The following KCNIP4 variants were observed in gnomAD, a reference collection of about 807,000 sequenced individuals.
KCNIP4 encodes potassium voltage-gated channel interacting protein 4.
In KCNIP4, 12 loss-of-function variants were observed where a neutral mutation model predicts 34.0. That is an observed-to-expected ratio of 0.35 (90% CI 0.23 to 0.57). The LOEUF is 0.57. KCNIP4 is among the 20% of genes least tolerant of loss of function. The pLI, the probability that KCNIP4 is intolerant of heterozygous loss-of-function variation, is 0.83. For synonymous variants in KCNIP4, 124 were observed against 102.2 expected, an observed-to-expected ratio of 1.21 and a Z score of -1.29; for missense variants, 238 against 311.7, an observed-to-expected ratio of 0.76 and a Z score of 1.78.
At chr4:21,767,067 T>C (rs1355477554) in intron 1 of KCNIP4, among the ~76,000 whole-genome samples, 4 of 152,098 alleles carry the variant, frequency 2.6e-5, no homozygotes, top group Admixed American at 2.0e-4. Context: ...TCAGGGAATC[T>C]CTCTTTGCAG....
chr4:21,175,952 A>ATT (rs1754373973), intron 1 of KCNIP4, among the ~76,000 whole-genome samples: 1 of 151,452 alleles, frequency 6.6e-6, no homozygotes, highest in African/African-American at 2.4e-5. Flanking sequence ...TAAAACTCCC[A>ATT]TTTGTTTTTT....
intron 1 of KCNIP4, among the ~76,000 whole-genome samples, chr4:20,883,479 T>C (rs566811133): frequency 6.6e-6 from 1 of 152,132 alleles, no homozygotes; most frequent in South Asian, 2.1e-4. Flanking sequence ...TGCAAACTGC[T>C]GAAACAACTT....
chr4:20,891,854 T>C (rs1241182088), intron 1 of KCNIP4, among the ~76,000 whole-genome samples: 3 of 152,296 alleles, frequency 2.0e-5, no homozygotes, highest in East Asian at 1.9e-4. Flanking sequence ...AATACTATGA[T>C]GCCTATTTTT....
chr4:21,390,327 T>C (rs1722452192), intron 1 of KCNIP4, among the ~76,000 whole-genome samples: 2 of 152,212 alleles, frequency 1.3e-5, no homozygotes, highest in South Asian at 2.1e-4. Context: ...ATTGTCAATT[T>C]TGGCTTTTGT....
chr4:21,694,943 A>AAAAAAC lies in KCNIP4; in HGVS notation c.61+253627_61+253628insGTTTTT, dbSNP rs1560637409. Among the ~76,000 whole-genome samples, 2 of 45,338 alleles carry AAAAAAC rather than the reference A, an allele frequency of 4.4e-5. 1 individual carries two copies. The highest frequency in any genetic ancestry group is 1.1e-4 in the African/African-American group (2 of 18,046). The allele number at this position is 45,338 out of a possible 152,430, so 29.7% of individuals were successfully genotyped here. On this transcript the variant is annotated intron_variant, in intron 1 of 8. Transcript: ENST00000382152. Reference sequence around the variant, plus strand: ...AAAAAAAAAAAAATAAAAATAAATAAATAAATAAAGGGCTTTTTGGTAAAA... The same window carrying AAAAAAC: ...AAAAAAAAAAAAATAAAAATAAATAAAAAAACATAAATAAAGGGCTTTTTGGTAAAA...
chr4:21,539,168 T>TA (rs1252589110), intron 1 of KCNIP4, among the ~76,000 whole-genome samples: 1 of 152,198 alleles, frequency 6.6e-6, no homozygotes, highest in Non-Finnish European at 1.5e-5. Flanking sequence ...CTTTTATTTA[T>TA]AAATTACCCA....
At chr4:21,109,290 C>G (rs991774178) in intron 1 of KCNIP4, among the ~76,000 whole-genome samples, 43 of 152,216 alleles carry the variant, frequency 2.8e-4, no homozygotes, top group Non-Finnish European at 4.1e-4. Flanking sequence ...TTTACCTAAG[C>G]AAGCCTAGGC....
At chr4:21,342,733 C>T (rs1560307677) in intron 1 of KCNIP4, among the ~76,000 whole-genome samples, 1 of 151,864 alleles carries the variant, frequency 6.6e-6, no homozygotes, top group Non-Finnish European at 1.5e-5. Flanking sequence ...AGGCTCACAG[C>T]TTGCTATATC....
At chr4:21,632,513 T>A (rs889873661) in intron 1 of KCNIP4, among the ~76,000 whole-genome samples, 1 of 152,172 alleles carries the variant, frequency 6.6e-6, no homozygotes, top group African/African-American at 2.4e-5. Context: ...GCATGGGCCA[T>A]TGTGGCTGGC....
chr4:20,938,873 T>G lies in KCNIP4; in HGVS notation c.62-56164A>C, dbSNP rs139335878. Among the ~76,000 whole-genome samples the G allele has an allele frequency of 3.1e-3, 476 of 152,318 alleles. 2 individuals are homozygous for G. Among genetic ancestry groups the G allele is most frequent in the African/African-American group, 0.011 (445 of 41,570 alleles). The stretch of plus-strand genomic sequence containing the variant: ...GTCCTGAGAGCTATACTTCAACCTC[T>G]TTATCCTGAACTTCACATAGAAATT... On this transcript the variant is annotated intron_variant, in intron 1 of 8. Coordinates refer to ENST00000382152, the MANE Select transcript of KCNIP4 (RefSeq NM_025221.6).
chr4:21,619,497 C>T (rs758207285), intron 1 of KCNIP4, among the ~76,000 whole-genome samples: 14 of 152,146 alleles, frequency 9.2e-5, no homozygotes, highest in Non-Finnish European at 1.9e-4. Flanking sequence ...ATCAGACAGT[C>T]CAAATTCTAA....
chr4:21,588,196 A>G (rs1042797167), intron 1 of KCNIP4, among the ~76,000 whole-genome samples: 1 of 152,088 alleles, frequency 6.6e-6, no homozygotes, highest in Non-Finnish European at 1.5e-5. Flanking sequence ...TTTAAGATAT[A>G]AAATAAAATA....
At chr4:21,457,311 G>C (rs929441536) in intron 1 of KCNIP4, among the ~76,000 whole-genome samples, 2 of 151,988 alleles carry the variant, frequency 1.3e-5, no homozygotes, top group African/African-American at 4.8e-5. Context: ...TTGGCGGCTT[G>C]CTGGCCCTTT....
chr4:20,946,088 G>T (rs1442649043), intron 1 of KCNIP4, among the ~76,000 whole-genome samples: 1 of 152,114 alleles, frequency 6.6e-6, no homozygotes, highest in South Asian at 2.1e-4. Context: ...TTTGGACACG[G>T]TCATGAACAA....
At chr4:21,578,357 A>AAAG (rs1560531531) in intron 1 of KCNIP4, among the ~76,000 whole-genome samples, 1 of 139,244 alleles carries the variant, frequency 7.2e-6, no homozygotes, top group Non-Finnish European at 1.5e-5. Flanking sequence ...AAAAAAAAAA[A>AAAG]AGAGTTCATG....
chr4:20,840,766 T>C (rs112366535), intron 3 of KCNIP4, among the ~76,000 whole-genome samples: 1,905 of 152,294 alleles, frequency 0.013, 21 homozygotes, highest in Non-Finnish European at 0.018. Flanking sequence ...TGGAGCTGTG[T>C]GTTACAGCAT....
intron 1 of KCNIP4, among the ~76,000 whole-genome samples, chr4:21,174,931 A>C (rs1290614343): frequency 6.6e-6 from 1 of 151,574 alleles, no homozygotes; most frequent in African/African-American, 2.4e-5. Flanking sequence ...AAAAAGCATT[A>C]GTAATATGTT....
intron 1 of KCNIP4, among the ~76,000 whole-genome samples, chr4:21,896,134 G>A (rs79677668): frequency 1.2e-4 from 18 of 151,972 alleles, no homozygotes; most frequent in African/African-American, 1.2e-4. Flanking sequence ...CTCTCTATGC[G>A]ACAGAGTTCA....
At chr4:21,058,396 C>T (rs1363141636) in intron 1 of KCNIP4, among the ~76,000 whole-genome samples, 3 of 151,912 alleles carry the variant, frequency 2.0e-5, no homozygotes, top group Non-Finnish European at 4.4e-5. Flanking sequence ...ATTAAAGGGG[C>T]AGCTCTACAG....
Sources: gnomAD v4.1 joint callset for allele counts (sites outside exome capture counted in the v4.1 genomes callset) on GRCh38, gnomAD v4.1.1 for gene constraint, MANE v1.5 for transcripts, NCBI Gene and HGNC (gene_info 2026-07-23, HGNC 2026-07-21) for gene names.